GALNTL6: variants seen among roughly 807,000 people sequenced by gnomAD.
GALNTL6 encodes polypeptide N-acetylgalactosaminyltransferase like 6, also known as polypeptide N-acetylgalactosaminyltransferase-like 6.
Under a neutral mutation model 73.7 loss-of-function variants are expected in GALNTL6, and 46 were observed. That is an observed-to-expected ratio of 0.62 (90% CI 0.49 to 0.80). The LOEUF is 0.80. Among genes scored for constraint, GALNTL6 ranks in the 30% least tolerant of loss-of-function variants. GALNTL6 has a pLI of 0.00. For synonymous variants in GALNTL6, 259 were observed against 263.7 expected, an observed-to-expected ratio of 0.98 and a Z score of 0.17; for missense variants, 604 against 755.0, an observed-to-expected ratio of 0.80 and a Z score of 2.34.
intron 5 of GALNTL6, among the ~76,000 whole-genome samples, chr4:172,636,032 G>A (rs1269644696): frequency 2.0e-5 from 3 of 152,140 alleles, no homozygotes; most frequent in South Asian, 2.1e-4. Context: ...CACTCACTCA[G>A]TACAGGATAC....
intron 2 of GALNTL6, among the ~76,000 whole-genome samples, chr4:171,821,890 CT>C (rs1250598791): frequency 6.6e-6 from 1 of 151,760 alleles, no homozygotes; most frequent in African/African-American, 2.4e-5. Context: ...GGATTTCATA[CT>C]TAAGGATAAG....
At chr4:172,520,791 T>A (rs1012603454) in intron 5 of GALNTL6, among the ~76,000 whole-genome samples, 2 of 152,008 alleles carry the variant, frequency 1.3e-5, no homozygotes, top group Non-Finnish European at 1.5e-5. Flanking sequence ...TACATACAGA[T>A]CCATTTACTA....
chr4:171,867,053 C>G (rs2110888140), intron 2 of GALNTL6, among the ~76,000 whole-genome samples: 1 of 152,034 alleles, frequency 6.6e-6, no homozygotes, highest in Non-Finnish European at 1.5e-5. Flanking sequence ...TGGTAAAATA[C>G]TTTTATAATA....
chr4:172,883,166 G>T (rs1348278920), intron 8 of GALNTL6, among the ~76,000 whole-genome samples: 1 of 152,120 alleles, frequency 6.6e-6, no homozygotes, highest in African/African-American at 2.4e-5. Context: ...TCAAATCAGG[G>T]TAACTGGGAT....
intron 7 of GALNTL6, among the ~76,000 whole-genome samples, chr4:172,868,955 C>G (rs1023379136): frequency 1.3e-5 from 2 of 152,174 alleles, no homozygotes; most frequent in Non-Finnish European, 2.9e-5. Context: ...TACCTCTCAG[C>G]ACACCATAAT....
chr4:171,929,560 GAGTACCCACATGGACCTGCACA>G (rs902379741), intron 2 of GALNTL6, among the ~76,000 whole-genome samples: 5 of 152,198 alleles, frequency 3.3e-5, no homozygotes, highest in Admixed American at 6.5e-5. Flanking sequence ...GTGCACTGGA[GAGTACCCACATGGACCTGCACA>G]ACGGCGTGGC....
At chr4:172,234,045 G>A (rs924729117) in intron 3 of GALNTL6, among the ~76,000 whole-genome samples, 9 of 151,698 alleles carry the variant, frequency 5.9e-5, no homozygotes, top group South Asian at 4.1e-4. Flanking sequence ...GAAATTCCTC[G>A]TTGTTTGTAG....
intron 2 of GALNTL6, among the ~76,000 whole-genome samples, chr4:171,982,368 G>T (rs1474098527): frequency 6.6e-6 from 1 of 152,092 alleles, no homozygotes; most frequent in Non-Finnish European, 1.5e-5. Flanking sequence ...CGCGATCTCG[G>T]CCCACTGCAA....
intron 2 of GALNTL6, among the ~76,000 whole-genome samples, chr4:172,196,023 TA>T (rs35159373): frequency 1.5e-5 from 2 of 137,784 alleles, no homozygotes; most frequent in South Asian, 2.3e-4. Flanking sequence ...TTTTTTTTTT[TA>T]AATTAATAAA....
intron 2 of GALNTL6, among the ~76,000 whole-genome samples, chr4:171,943,841 G>A (rs1199548424): frequency 6.6e-6 from 1 of 151,884 alleles, no homozygotes; most frequent in Non-Finnish European, 1.5e-5. Flanking sequence ...TCTTCCTACG[G>A]GTAGGCTTTT....
chr4:172,567,214 A>T (rs187353194), intron 5 of GALNTL6, among the ~76,000 whole-genome samples: 1 of 152,030 alleles, frequency 6.6e-6, no homozygotes, highest in East Asian at 1.9e-4. Context: ...ATATCTTTCT[A>T]TATAGTCTGG....
At chr4:172,206,440 A>T (rs1454863176) in intron 2 of GALNTL6, among the ~76,000 whole-genome samples, 6 of 152,178 alleles carry the variant, frequency 3.9e-5, no homozygotes, top group African/African-American at 1.4e-4. Flanking sequence ...GCAGTCCTTG[A>T]TGAGTGATTG....
intron 5 of GALNTL6, among the ~76,000 whole-genome samples, chr4:172,503,389 C>T (rs147889353): frequency 1.3e-5 from 2 of 151,848 alleles, no homozygotes; most frequent in Non-Finnish European, 2.9e-5. Flanking sequence ...GAATTTGGCT[C>T]ATCCTGACTT....
rs1736751825 is a variant in GALNTL6 at position 172,740,777 on chromosome 4, TA to T, written c.554-68583del. Among the ~76,000 whole-genome samples the T allele has an allele frequency of 1.3e-5, 2 of 152,136 alleles. 1 individual carries two copies. Among genetic ancestry groups the T allele is most frequent in the South Asian group, 4.1e-4 (2 of 4,828 alleles). On this transcript the variant is annotated intron_variant, in intron 5 of 12. Coordinates refer to ENST00000506823, the MANE Select transcript of GALNTL6 (RefSeq NM_001034845.3). ...ACAAGAATAGTGCTGAAGTGTTACCTAGTGTGTGTAGGTGTAAGACTGTGAT... is the reference window on the plus strand; with the variant it reads ...ACAAGAATAGTGCTGAAGTGTTACCTGTGTGTGTAGGTGTAAGACTGTGAT...
At chr4:172,899,893 G>A (rs1746531896) in intron 8 of GALNTL6, among the ~76,000 whole-genome samples, 1 of 152,146 alleles carries the variant, frequency 6.6e-6, no homozygotes. Context: ...GGCATTGGTG[G>A]GAGTGTAGCG....
intron 5 of GALNTL6, among the ~76,000 whole-genome samples, chr4:172,656,452 A>G (rs538169106): frequency 6.6e-6 from 1 of 152,222 alleles, no homozygotes; most frequent in Non-Finnish European, 1.5e-5. Context: ...ATGGAAACTG[A>G]GTAAACGATA....
intron 10 of GALNTL6, among the ~76,000 whole-genome samples, chr4:172,995,102 T>G (rs537465968): frequency 1.3e-5 from 2 of 152,326 alleles, no homozygotes; most frequent in East Asian, 3.9e-4. Flanking sequence ...TTTTCATGAT[T>G]GTACTAGAAC....
chr4:172,085,697 A>T (rs889334904), intron 2 of GALNTL6, among the ~76,000 whole-genome samples: 6 of 151,562 alleles, frequency 4.0e-5, no homozygotes, highest in Non-Finnish European at 7.4e-5. Context: ...TAAAATATAA[A>T]TGTATTTAAA....
chr4:171,988,404 A>C (rs1025942776), intron 2 of GALNTL6, among the ~76,000 whole-genome samples: 1 of 152,218 alleles, frequency 6.6e-6, no homozygotes, highest in Non-Finnish European at 1.5e-5. Context: ...GCCTTGCGGC[A>C]GTACAGCCCA....
Sources: gnomAD v4.1 joint callset for allele counts (sites outside exome capture counted in the v4.1 genomes callset) on GRCh38, gnomAD v4.1.1 for gene constraint, MANE v1.5 for transcripts, NCBI Gene and HGNC (gene_info 2026-07-23, HGNC 2026-07-21) for gene names.